The following CNBD1 variants were observed in gnomAD, a reference collection of about 807,000 sequenced individuals.
CNBD1 encodes the protein cyclic nucleotide-binding domain-containing protein 1.
A neutral mutation model predicts 54.4 loss-of-function variants in CNBD1; 71 were observed. That is an observed-to-expected ratio of 1.30 (90% CI 1.08 to 1.59). The LOEUF (loss-of-function observed/expected upper bound fraction) is 1.59, where lower values mean the gene tolerates loss of function less well. Ranked by LOEUF, CNBD1 falls within the 40% of genes most tolerant of loss-of-function variation. The pLI is 0.00. For synonymous variants in CNBD1, 182 were observed against 170.7 expected (o/e 1.07, Z -0.51); for missense variants, 659 against 518.0 (o/e 1.27, Z -2.64).
chr8:87,130,109 C>T (rs936466409), intron 4 of CNBD1, among the ~76,000 whole-genome samples: 6 of 152,138 alleles, frequency 3.9e-5, no homozygotes, highest in African/African-American at 1.4e-4. Flanking sequence ...TACCTCCCAC[C>T]AGTTCCCTCC....
At chr8:87,016,789 G>C (rs938444664) in intron 4 of CNBD1, among the ~76,000 whole-genome samples, 2 of 152,160 alleles carry the variant, frequency 1.3e-5, no homozygotes, top group Non-Finnish European at 2.9e-5. Context: ...CAGCCTAGTA[G>C]GCCAGATAAT....
intron 4 of CNBD1, among the ~76,000 whole-genome samples, chr8:87,039,935 G>A (rs1218156695): frequency 1.3e-5 from 2 of 152,108 alleles, no homozygotes; most frequent in African/African-American, 4.8e-5. Flanking sequence ...GTTCTTGGGT[G>A]GGGAGCCACA....
At chr8:87,139,964 G>T (rs1460744927) in intron 4 of CNBD1, among the ~76,000 whole-genome samples, 1 of 151,984 alleles carries the variant, frequency 6.6e-6, no homozygotes. Context: ...GAGATCAAAA[G>T]TTACATTTGC....
chr8:86,909,528 G>GT, intron 3 of CNBD1, among the ~76,000 whole-genome samples: 1 of 151,710 alleles, frequency 6.6e-6, no homozygotes, highest in South Asian at 2.1e-4. Context: ...ATTGCAGTGT[G>GT]GTTTTTTTTT....
intron 8 of CNBD1, among the ~76,000 whole-genome samples, chr8:87,345,673 A>G (rs1402828480): frequency 6.6e-6 from 1 of 152,198 alleles, no homozygotes; most frequent in Non-Finnish European, 1.5e-5. Context: ...TCGAAACTGA[A>G]CTAAGCAAGA....
chr8:87,408,969 C>T (rs906750056), intron 2 of CNBD1, among the ~76,000 whole-genome samples: 3 of 152,046 alleles, frequency 2.0e-5, no homozygotes, highest in African/African-American at 7.2e-5. Context: ...TTCCCTAAGG[C>T]CCGACAAAAT....
At chr8:87,105,817 C>T (rs2130698416) in intron 4 of CNBD1, among the ~76,000 whole-genome samples, 1 of 152,026 alleles carries the variant, frequency 6.6e-6, no homozygotes, top group East Asian at 1.9e-4. Flanking sequence ...GTTTGCTTCC[C>T]TTTTTTCCTG....
chr8:87,005,563 G>T (rs1474336403), intron 4 of CNBD1, among the ~76,000 whole-genome samples: 1 of 151,648 alleles, frequency 6.6e-6, no homozygotes, highest in Non-Finnish European at 1.5e-5. Flanking sequence ...TTGCACTTCT[G>T]CTTGCCTATT....
chr8:87,273,168 A>G (rs1382036075), intron 6 of CNBD1, among the ~76,000 whole-genome samples: 1 of 151,980 alleles, frequency 6.6e-6, no homozygotes, highest in Non-Finnish European at 1.5e-5. Context: ...GGCAATACAG[A>G]GAACCAATAA....
chr8:86,939,021 A>G lies in CNBD1; in HGVS notation c.273-575A>G, dbSNP rs573653176. ...ACAGCACTTGTTGTATTTCTCGCCT[A>G]TGAGTTTTCAATGACCTTTTAATAG... On this transcript the variant is annotated intron_variant, in intron 3 of 10. Transcript: ENST00000518476. Among the ~76,000 whole-genome samples, 349 of 152,220 alleles carry G rather than the reference A, an allele frequency of 2.3e-3. 3 individuals carry two copies. The South Asian group carries it at 0.036, about 16-fold the overall frequency.
intron 4 of CNBD1, among the ~76,000 whole-genome samples, chr8:87,118,247 G>A (rs985513316): frequency 4.0e-5 from 6 of 149,736 alleles, no homozygotes; most frequent in African/African-American, 7.4e-5. Context: ...CTCAGGAGGC[G>A]GAGGTTGCAG....
intron 4 of CNBD1, among the ~76,000 whole-genome samples, chr8:87,043,835 A>C (rs571346276): frequency 6.4e-4 from 98 of 152,326 alleles, no homozygotes; most frequent in African/African-American, 2.1e-3. Context: ...AACAGCAAGA[A>C]ATCTGGTATT....
intron 4 of CNBD1, among the ~76,000 whole-genome samples, chr8:87,027,775 C>T (rs1167177570): frequency 6.6e-6 from 1 of 152,220 alleles, no homozygotes; most frequent in East Asian, 1.9e-4. Flanking sequence ...ATATTGGGGC[C>T]AAACAGTATC....
At chr8:87,086,055 C>A (rs1199215074) in intron 4 of CNBD1, among the ~76,000 whole-genome samples, 1 of 152,046 alleles carries the variant, frequency 6.6e-6, no homozygotes, top group Admixed American at 6.6e-5. Context: ...AGTGAGGGAG[C>A]TTTTGTAATT....
At chr8:87,171,083 T>G (rs7840097) in intron 4 of CNBD1, among the ~76,000 whole-genome samples, 1 of 152,168 alleles carries the variant, frequency 6.6e-6, no homozygotes, top group South Asian at 2.1e-4. Flanking sequence ...ATAGTTTGAG[T>G]AGGATTGGTA....
chr8:87,417,888 T>G lies in CNBD1; in HGVS notation c.214-10658T>G, dbSNP rs182492142. Among the ~76,000 whole-genome samples the G allele has an allele frequency of 3.0e-3, 441 of 145,196 alleles. 2 individuals are homozygous for G. The highest frequency in any genetic ancestry group is 0.011 in the African/African-American group (412 of 36,530). On this transcript the variant is annotated intron_variant, in intron 2 of 7. Coordinates refer to the CNBD1 transcript ENST00000521593. ...CTTGGATATGGAAAGCTACAGAATATTATTGAAATAAATTAGAGAAAACAT... is the reference window on the plus strand; with the variant it reads ...CTTGGATATGGAAAGCTACAGAATAGTATTGAAATAAATTAGAGAAAACAT...
intron 4 of CNBD1, among the ~76,000 whole-genome samples, chr8:86,993,262 T>C (rs1166785607): frequency 1.3e-5 from 2 of 152,118 alleles, no homozygotes; most frequent in Admixed American, 6.5e-5. Context: ...TTAATACTGC[T>C]GAATACATTA....
chr8:87,426,050 C>G lies in CNBD1; in HGVS notation c.214-2496C>G, dbSNP rs1250207344. ...CCGTTTTTTAAGCCCGTCGGAAAAT[C>G]GCAGTATTTGGGTGGGAGTGAACGG... On this transcript the variant is annotated intron_variant, in intron 2 of 7. Coordinates refer to the CNBD1 transcript ENST00000521593. Among the ~76,000 whole-genome samples, 3 of 152,306 alleles carry G rather than the reference C, an allele frequency of 2.0e-5. No homozygotes were observed. The South Asian group carries it at 6.2e-4, about 32-fold the overall frequency.
At chr8:87,228,071 A>G (rs1814551233) in intron 5 of CNBD1, among the ~76,000 whole-genome samples, 1 of 151,338 alleles carries the variant, frequency 6.6e-6, no homozygotes, top group Non-Finnish European at 1.5e-5. Flanking sequence ...GTAGTTCTCG[A>G]GCCTTGGTTT....
Sources: allele counts gnomAD v4.1 joint callset (sites outside exome capture counted in the v4.1 genomes callset), GRCh38; gene constraint gnomAD v4.1.1; transcripts MANE v1.5; gene names NCBI Gene and HGNC (gene_info 2026-07-23, HGNC 2026-07-21).